The following EYS variants were observed in gnomAD, a reference collection of about 807,000 sequenced individuals.
EYS encodes the protein EGF-like photoreceptor maintenance factor.
A neutral mutation model predicts 282.1 loss-of-function variants in EYS; 250 were observed. The observed-to-expected ratio is 0.89, with a 90% CI of 0.80 to 0.98. EYS has a LOEUF of 0.98. Ranked by LOEUF, EYS falls within the 50% of genes least tolerant of loss-of-function variation. The pLI is 0.00. For missense variants in EYS, 4,016 were observed against 3,709.0 expected, an observed-to-expected ratio of 1.08 and a Z score of -2.15; for synonymous variants, 1,355 against 1,282.9, an observed-to-expected ratio of 1.06 and a Z score of -1.20.
In EYS at chr6:65,273,120, G is replaced by A. The variant is rs575714775; in HGVS notation, c.2023+22743C>T. ...TAAGAGGGAGGGAGAAAGATGATGT[G>A]AGATTTCATCATGCTACTCCTAATG... On this transcript the variant is annotated intron_variant, in intron 12 of 42. Transcript: ENST00000503581. Among the ~76,000 whole-genome samples, 5 of 152,278 alleles carry A rather than the reference G, an allele frequency of 3.3e-5. No homozygotes were observed. The South Asian group carries it at 6.2e-4, about 19-fold the overall frequency.
intron 35 of EYS, among the ~76,000 whole-genome samples, chr6:63,904,257 G>A (rs908751929): frequency 5.3e-5 from 8 of 152,058 alleles, no homozygotes; most frequent in Admixed American, 3.9e-4. Flanking sequence ...GACCCGAGTT[G>A]TTTCCAGTAA....
intron 2 of EYS, among the ~76,000 whole-genome samples, chr6:65,561,949 T>C (rs938896233): frequency 2.6e-5 from 4 of 151,654 alleles, no homozygotes; most frequent in African/African-American, 9.7e-5. Context: ...AGTATTTTAA[T>C]GTAAATATTT....
At chr6:65,338,918 A>C (rs558072941) in intron 10 of EYS, among the ~76,000 whole-genome samples, 204 of 151,314 alleles carry the variant, frequency 1.3e-3, no homozygotes, top group Middle Eastern at 3.4e-3. Context: ...GTAAATAAAC[A>C]ACTCTAGTTA....
chr6:63,721,848 T>G, intron 42 of EYS, 51 bp from the exon 43 acceptor site: 1 of 1,482,800 alleles, frequency 6.7e-7, no homozygotes. Flanking sequence ...AAGTTTCCAT[T>G]GAAAACTTTT....
chr6:64,945,926 T>A lies in EYS; in HGVS notation c.2260-12A>T. The A allele has an allele frequency of 6.5e-7, 1 of 1,535,766 alleles. No homozygotes were observed. The highest frequency in any genetic ancestry group is 8.8e-7 in the Non-Finnish European group (1 of 1,136,640). On this transcript the variant is annotated splice_polypyrimidine_tract_variant and intron_variant, in intron 14 of 42. Transcript: ENST00000503581. ...ACACACTGGTAGCTCTAAGAGAATATGAAATTATATATTTTTAGGCTATTT... is the reference window on the plus strand; with the variant it reads ...ACACACTGGTAGCTCTAAGAGAATAAGAAATTATATATTTTTAGGCTATTT...
intron 22 of EYS, among the ~76,000 whole-genome samples, chr6:64,645,723 T>A (rs1240492033): frequency 2.0e-5 from 3 of 152,176 alleles, no homozygotes; most frequent in African/African-American, 7.2e-5. Context: ...AATAAACTTA[T>A]TAGAATGCTG....
At chr6:64,206,889 G>A (rs780298942) in intron 31 of EYS, among the ~76,000 whole-genome samples, 1 of 152,094 alleles carries the variant, frequency 6.6e-6, no homozygotes, top group Non-Finnish European at 1.5e-5. Context: ...TTTGCGTCAT[G>A]GGAGTTTGTT....
chr6:64,715,954 A>C (rs1771376957), intron 22 of EYS, among the ~76,000 whole-genome samples: 2 of 152,098 alleles, frequency 1.3e-5, no homozygotes, highest in Admixed American at 6.6e-5. Flanking sequence ...GGCTCTTATA[A>C]CTCCAAACCT....
chr6:64,669,228 A>G (rs1769350247), intron 22 of EYS, among the ~76,000 whole-genome samples: 1 of 152,198 alleles, frequency 6.6e-6, no homozygotes, highest in Non-Finnish European at 1.5e-5. Flanking sequence ...TGACCACATA[A>G]CAATCTTATC....
chr6:64,508,437 A>G (rs1423097082), intron 26 of EYS, among the ~76,000 whole-genome samples: 1 of 151,910 alleles, frequency 6.6e-6, no homozygotes, highest in African/African-American at 2.4e-5. Context: ...TGTTTCTCCA[A>G]CCTTAAAATG....
intron 26 of EYS, among the ~76,000 whole-genome samples, chr6:64,538,549 A>G (rs75070565): frequency 0.01 from 1,553 of 152,248 alleles, 35 homozygotes; most frequent in African/African-American, 0.036. Flanking sequence ...TGTTCCTTCT[A>G]TTAGGTCAAG....
At chr6:64,427,887 A>C (rs1276584607) in intron 28 of EYS, among the ~76,000 whole-genome samples, 1 of 152,134 alleles carries the variant, frequency 6.6e-6, no homozygotes, top group South Asian at 2.1e-4. Flanking sequence ...TTAAGCATTA[A>C]TTTTCTGAAA....
intron 2 of EYS, among the ~76,000 whole-genome samples, chr6:65,618,112 C>T (rs575951856): frequency 3.9e-4 from 59 of 152,172 alleles, no homozygotes; most frequent in Admixed American, 3.3e-3. Flanking sequence ...GTTCTAGATC[C>T]CTGAGGAATT....
intron 37 of EYS, among the ~76,000 whole-genome samples, chr6:63,790,880 G>A (rs564854199): frequency 2.0e-5 from 3 of 152,270 alleles, no homozygotes; most frequent in East Asian, 3.9e-4. Flanking sequence ...TGTGCCAGCC[G>A]AGCTGTAAGG....
intron 22 of EYS, among the ~76,000 whole-genome samples, chr6:64,782,235 C>A (rs1356975860): frequency 1.2e-4 from 19 of 152,192 alleles, no homozygotes; most frequent in Admixed American, 1.1e-3. Flanking sequence ...TTCTTAAATG[C>A]AATTCAATGT....
chr6:63,774,928 CACAT>C (rs1318697720), intron 40 of EYS, among the ~76,000 whole-genome samples: 1 of 148,504 alleles, frequency 6.7e-6, no homozygotes, highest in African/African-American at 2.5e-5. Context: ...ACCTACCAAG[CACAT>C]ACACACATAG....
rs1764916094 is a variant in EYS at position 65,582,857 on chromosome 6, G to A, written c.-333+56921C>T. The stretch of plus-strand genomic sequence containing the variant: ...TATCCCTATTTTATGGACATTTTTT[G>A]TTTTGTTTTTTGAAAGATGTAACCA... On this transcript the variant is annotated intron_variant, in intron 2 of 42. Coordinates refer to ENST00000503581, the MANE Select transcript of EYS (RefSeq NM_001142800.2). 2.6e-5 allele frequency among the ~76,000 whole-genome samples: 4 copies of A among 151,902 alleles called. No homozygotes were observed. The South Asian group carries it at 8.3e-4, about 32-fold the overall frequency.
At chr6:64,331,100 G>A (rs896559989) in intron 29 of EYS, among the ~76,000 whole-genome samples, 1 of 152,158 alleles carries the variant, frequency 6.6e-6, no homozygotes, top group Non-Finnish European at 1.5e-5. Flanking sequence ...GCCCTCTGCT[G>A]GTCGGAACTT....
chr6:65,465,714 T>C (rs1408448927), intron 5 of EYS, among the ~76,000 whole-genome samples: 1 of 152,080 alleles, frequency 6.6e-6, no homozygotes, highest in Non-Finnish European at 1.5e-5. Context: ...GGTCGCTTAT[T>C]CCCACTCTTG....
Sources: gnomAD v4.1 joint callset for allele counts (sites outside exome capture counted in the v4.1 genomes callset) on GRCh38, gnomAD v4.1.1 for gene constraint, MANE v1.5 for transcripts, NCBI Gene and HGNC (gene_info 2026-07-23, HGNC 2026-07-21) for gene names.